The following CMYA5 variants were observed in gnomAD, a reference collection of about 807,000 sequenced individuals.
CMYA5 encodes cardiomyopathy associated 5.
In CMYA5, 246 loss-of-function variants were observed where a neutral mutation model predicts 318.9. The ratio of observed to expected loss-of-function variants is 0.77; its 90% CI spans 0.70 to 0.86. The LOEUF (loss-of-function observed/expected upper bound fraction) is 0.86. CMYA5 is among the 40% of genes least tolerant of loss of function. The pLI is 0.00. For synonymous variants in CMYA5, 1,641 were observed against 1,729.5 expected (o/e 0.95, Z 1.27); for missense variants, 4,589 against 4,678.2 (o/e 0.98, Z 0.56).
At chr5:79,705,775 C>T (rs1021445749) in intron 1 of CMYA5, among the ~76,000 whole-genome samples, 3 of 152,134 alleles carry the variant, frequency 2.0e-5, no homozygotes, top group Non-Finnish European at 2.9e-5. Context: ...TCTTGGAGAA[C>T]TGAATACTAG....
In CMYA5 at chr5:79,730,414, A is replaced by G. The variant is rs778505660; in HGVS notation, c.1649A>G (p.His550Arg). The part of the protein sequence containing the change: ...PLVSEKPFPP[H>R]MSPEVEHKEE... The stretch of plus-strand genomic sequence containing the variant: ...GTTTCCGAGAAGCCCTTCCCACCAC[A>G]TATGTCCCCTGAAGTGGAGCACAAA... Residue 550 changes from histidine (H) to arginine (R), a missense_variant, in exon 2 of 13, where the codon CAT (histidine) becomes CGT (arginine). Transcript: ENST00000446378. 6.2e-7 allele frequency: 1 copy of G among 1,613,878 alleles called. No individual in the cohort carries two copies. The highest frequency in any genetic ancestry group is 8.5e-7 in the Non-Finnish European group (1 of 1,179,868).
At chr5:79,771,460 ACTCATTCCC>A (rs1177033253) in intron 9 of CMYA5, among the ~76,000 whole-genome samples, 1 of 152,112 alleles carries the variant, frequency 6.6e-6, no homozygotes, top group East Asian at 1.9e-4. Flanking sequence ...CTCTGAAATG[ACTCATTCCC>A]TTAATGGCAT....
intron 8 of CMYA5, 84 bp downstream of exon 8, chr5:79,762,041 T>C: frequency 7.0e-7 from 1 of 1,427,184 alleles, no homozygotes; most frequent in Non-Finnish European, 9.4e-7. Context: ...AAGTGTTTAT[T>C]AAGCACCTAT....
At chr5:79,792,192 G>A (rs1829192716) in intron 11 of CMYA5, among the ~76,000 whole-genome samples, 1 of 152,192 alleles carries the variant, frequency 6.6e-6, no homozygotes, top group Non-Finnish European at 1.5e-5. Flanking sequence ...ATAACTTGTG[G>A]GGTCATTTGT....
chr5:79,740,390 A>T (rs2151089091), intron 2 of CMYA5, among the ~76,000 whole-genome samples: 1 of 152,358 alleles, frequency 6.6e-6, no homozygotes, highest in African/African-American at 2.4e-5. Flanking sequence ...AATTTAAAAA[A>T]TTACCTTTGA....
chr5:79,722,676 CAAAA>C (rs1264491231), intron 1 of CMYA5, among the ~76,000 whole-genome samples: 134 of 73,576 alleles, frequency 1.8e-3, no homozygotes, highest in Middle Eastern at 0.018. Flanking sequence ...GACTCTGTCT[CAAAA>C]AAAAAAAAAA....
rs779014612 is a variant in CMYA5 at position 79,733,029 on chromosome 5, A to G, written c.4264A>G (p.Lys1422Glu). Residue 1422 changes from lysine to glutamate, a missense_variant, in exon 2 of 13, where the codon AAA (lysine) becomes GAA (glutamate). This residue lies in a region of CMYA5 where 2,132 missense variants were observed against 2,131.3 expected (regional missense o/e 1.00). Transcript: ENST00000446378. ...VLAEEDKVAI[K>E]GASPIETSSK... Reference sequence around the variant, plus strand: ...TGCAGAAGAAGACAAGGTGGCAATTAAAGGTGCTTCTCCCATTGAAACTTC... The same window carrying G: ...TGCAGAAGAAGACAAGGTGGCAATTGAAGGTGCTTCTCCCATTGAAACTTC... 6.2e-7 allele frequency: 1 copy of G among 1,613,388 alleles called. No homozygotes were observed.
rs34198193 is a variant in CMYA5 at position 79,726,909 on chromosome 5, A to ATTTT, written c.150-1986_150-1983dup. ...AGAGCTAGGATTGTTTAGGCCAGTG[A>ATTTT]TTTTTTTTTTTTTTTTTTTTTTTGA... On this transcript the variant is annotated intron_variant, in intron 1 of 12. Coordinates refer to ENST00000446378, the MANE Select transcript of CMYA5 (RefSeq NM_153610.5). Among the ~76,000 whole-genome samples, 39 of 96,032 alleles carry ATTTT rather than the reference A, an allele frequency of 4.1e-4. 1 individual carries two copies. The highest frequency in any genetic ancestry group is 7.3e-4 in the African/African-American group (14 of 19,244). The allele number at this position is 96,032 out of a possible 152,430, so 63.0% of individuals were successfully genotyped here.
chr5:79,724,723 GT>G, intron 1 of CMYA5, among the ~76,000 whole-genome samples: 1 of 152,272 alleles, frequency 6.6e-6, no homozygotes, highest in South Asian at 2.1e-4. Context: ...GAATGGTATG[GT>G]GACCATTTCT....
chr5:79,757,914 T>G (rs1448531363), intron 6 of CMYA5, among the ~76,000 whole-genome samples: 1 of 152,190 alleles, frequency 6.6e-6, no homozygotes. Flanking sequence ...TGTGGAGGGA[T>G]ACACATTCAA....
Position 79,737,887 on chromosome 5 carries a change from T to G in CMYA5, c.9122T>G (p.Phe3041Cys). The stretch of plus-strand genomic sequence containing the variant: ...ACAGATTCAGAAACTGATTTATCAT[T>G]TATTCAGCCCACAATTCCCAGTGAA... ...ISTDSETDLS[F>C]IQPTIPSEED... The change falls in exon 2 of 13, where the codon TTT becomes TGT. Residue 3041 changes from phenylalanine (F) to cysteine (C), a missense_variant. Transcript: ENST00000446378. 1 of 1,601,304 alleles carries G rather than the reference T, an allele frequency of 6.2e-7. No homozygotes were observed. The highest frequency in any genetic ancestry group is 1.1e-5 in the South Asian group (1 of 87,194).
At chr5:79,715,629 G>T (rs1388335448) in intron 1 of CMYA5, among the ~76,000 whole-genome samples, 2 of 151,934 alleles carry the variant, frequency 1.3e-5, no homozygotes, top group East Asian at 3.9e-4. Flanking sequence ...TAGACGCCTG[G>T]TGAGTGTCAG....
At position 79,748,666 on chromosome 5, in the gene CMYA5, C is replaced by T. The variant is rs185460180; in HGVS notation, c.10991+1553C>T. On this transcript the variant is annotated intron_variant, in intron 5 of 12. Transcript: ENST00000446378. ...TAAGCAATTCTCCTGCCTCAGCCTC[C>T]GAAGTAGCTGGGACCACAGGTGCGC... is the stretch of plus-strand genomic sequence containing the variant. Among the ~76,000 whole-genome samples the T allele has an allele frequency of 1.6e-3, 240 of 152,216 alleles. 3 individuals are homozygous for T. The highest frequency in any genetic ancestry group is 1.0e-3 in the South Asian group (5 of 4,824).
intron 5 of CMYA5, among the ~76,000 whole-genome samples, chr5:79,748,716 G>A (rs892903834): frequency 7.9e-5 from 12 of 151,958 alleles, no homozygotes; most frequent in Admixed American, 7.2e-4. Flanking sequence ...CTAATTTTTT[G>A]TATTTTTAGT....
chr5:79,720,453 T>C (rs1345539817), intron 1 of CMYA5, among the ~76,000 whole-genome samples: 1 of 133,066 alleles, frequency 7.5e-6, no homozygotes, highest in African/African-American at 3.0e-5. Flanking sequence ...TTTTTTTTTT[T>C]GAGAAGGAGT....
rs1171087153 is a variant in CMYA5 at position 79,734,656 on chromosome 5, C to T, written c.5891C>T (p.Ala1964Val). ...TTGTCATCACAAGAAGCAGTATCTG[C>T]TCTTGATACTTCCAGTGGTAATACA... ...SHLSSQEAVS[A>V]LDTSSGNTET... Residue 1964 changes from alanine to valine, a missense_variant, in exon 2 of 13, where the codon GCT becomes GTT. Ala to Val is a moderately conservative substitution (Grantham distance 64, BLOSUM62 0). This residue lies in a region of CMYA5 where 2,431 missense variants were observed against 2,495.1 expected (regional missense o/e 0.97). Coordinates refer to ENST00000446378, the MANE Select transcript of CMYA5 (RefSeq NM_153610.5). 1.2e-6 allele frequency: 2 copies of T among 1,613,186 alleles called. No individual in the cohort carries two copies. Among genetic ancestry groups the T allele is most frequent in the Non-Finnish European group, 1.7e-6 (2 of 1,179,322 alleles).
At chr5:79,767,789 G>A (rs540167829) in intron 9 of CMYA5, among the ~76,000 whole-genome samples, 1 of 152,288 alleles carries the variant, frequency 6.6e-6, no homozygotes, top group Admixed American at 6.5e-5. Flanking sequence ...GTTGATTTGG[G>A]GTGGAGAGTT....
In CMYA5 at chr5:79,745,414, G is replaced by T. The variant is rs567864753; in HGVS notation, c.10927G>T (p.Val3643Leu). The T allele has an allele frequency of 6.2e-7, 1 of 1,613,990 alleles. No individual in the cohort carries two copies. The highest frequency in any genetic ancestry group is 1.7e-5 in the Admixed American group (1 of 60,020). The stretch of plus-strand genomic sequence containing the variant: ...TGCCAAAGACACCCTGGAGACCATC[G>T]TGAGAGAAGCAGAGGAGCTTGATGA... ...DTAKDTLETI[V>L]REAEELDEAV... The change falls in exon 4 of 13, where the codon GTG becomes TTG. Residue 3643 changes from valine to leucine, a missense_variant. Physicochemically the swap from Val to Leu is conservative, Grantham distance 32. Coordinates refer to ENST00000446378, the MANE Select transcript of CMYA5 (RefSeq NM_153610.5).
At chr5:79,788,436 A>G (rs1829118044) in intron 9 of CMYA5, among the ~76,000 whole-genome samples, 1 of 151,398 alleles carries the variant, frequency 6.6e-6, no homozygotes, top group African/African-American at 2.4e-5. Flanking sequence ...TTTAATTTAA[A>G]TAGGCAATTT....
Sources: allele counts gnomAD v4.1 joint callset (sites outside exome capture counted in the v4.1 genomes callset), GRCh38; gene constraint gnomAD v4.1.1; regional missense constraint gnomAD v4.1.1; transcripts MANE v1.5; gene names NCBI Gene and HGNC (gene_info 2026-07-23, HGNC 2026-07-21).